The following RMDN2 variants were observed in gnomAD, a reference collection of about 807,000 sequenced individuals.
RMDN2 encodes the protein regulator of microtubule dynamics 2, also known as regulator of microtubule dynamics protein 2.
RMDN2 carries 61 observed loss-of-function variants against 52.8 expected under a neutral mutation model. The ratio of observed to expected loss-of-function variants is 1.16; its 90% CI spans 0.94 to 1.43. The LOEUF (loss-of-function observed/expected upper bound fraction) is 1.43, where lower values mean the gene tolerates loss of function less well. RMDN2 is among the 40% of genes most tolerant of loss of function. The pLI, the probability that RMDN2 is intolerant of heterozygous loss-of-function variation, is 0.00. For missense variants in RMDN2, 592 were observed against 475.3 expected (o/e 1.25, Z -2.28); for synonymous variants, 180 against 153.1 (o/e 1.18, Z -1.30).
chr2:38,064,993 A>G (rs138510490), intron 10 of RMDN2, among the ~76,000 whole-genome samples: 2 of 152,174 alleles, frequency 1.3e-5, no homozygotes, highest in African/African-American at 4.8e-5. Flanking sequence ...AATCATGCGT[A>G]TGGCATGCAT....
At chr2:37,998,862 G>T (rs984430951) in intron 8 of RMDN2, among the ~76,000 whole-genome samples, 4 of 152,072 alleles carry the variant, frequency 2.6e-5, no homozygotes, top group African/African-American at 7.2e-5. Flanking sequence ...GACAATCAAA[G>T]ATTTGATTTA....
Position 37,945,251 on chromosome 2 carries a change from G to C in RMDN2, c.452+15522G>C, listed in dbSNP as rs76113511. 3.3e-3 allele frequency among the ~76,000 whole-genome samples: 508 copies of C among 152,274 alleles called. 4 individuals are homozygous for C. In the East Asian group the frequency reaches 0.036, roughly 11 times the overall value. ...TAATAACCAATAGATTCTTAAGAAA[G>C]ACAGGAAGAACACATTTGCAGATTC... On this transcript the variant is annotated intron_variant, in intron 2 of 10. Transcript: ENST00000354545.
chr2:37,927,842 A>T lies in RMDN2; in HGVS notation c.-16-1420A>T, dbSNP rs1329398975. The stretch of plus-strand genomic sequence containing the variant: ...GTAGAATACATTTACACATCTAGCA[A>T]TAATTAGCTACAATTTCAGCTGAAG... On this transcript the variant is annotated intron_variant, in intron 1 of 10. Transcript: ENST00000354545. 4.6e-5 allele frequency among the ~76,000 whole-genome samples: 7 copies of T among 152,216 alleles called. No individual in the cohort carries two copies. The South Asian group carries it at 1.4e-3, about 32-fold the overall frequency.
chr2:38,004,889 G>A (rs1336786345), intron 10 of RMDN2, among the ~76,000 whole-genome samples: 5 of 149,150 alleles, frequency 3.4e-5, no homozygotes, highest in Middle Eastern at 3.4e-3. Context: ...TGATGTTCCC[G>A]TTCCTGCGTC....
chr2:37,939,873 C>T (rs1250422187), intron 2 of RMDN2, among the ~76,000 whole-genome samples: 2 of 152,068 alleles, frequency 1.3e-5, no homozygotes, highest in Non-Finnish European at 2.9e-5. Flanking sequence ...GGCATTTAGC[C>T]CATTTACATT....
At chr2:37,989,187 A>G (rs1391726868) in intron 5 of RMDN2, among the ~76,000 whole-genome samples, 2 of 152,148 alleles carry the variant, frequency 1.3e-5, no homozygotes, top group Non-Finnish European at 2.9e-5. Context: ...ATGTGATTAG[A>G]CTTTTTCTGA....
chr2:37,924,351 C>G (rs1312000438), upstream of RMDN2, among the ~76,000 whole-genome samples: 1 of 152,190 alleles, frequency 6.6e-6, no homozygotes, highest in Admixed American at 6.5e-5. Flanking sequence ...AAGGTGCGGA[C>G]AATACAGAAG....
chr2:38,012,020 A>C (rs778600419), intron 10 of RMDN2, among the ~76,000 whole-genome samples: 1 of 152,154 alleles, frequency 6.6e-6, no homozygotes, highest in Non-Finnish European at 1.5e-5. Context: ...TGCTGCTGGG[A>C]TGAGGGTCAG....
chr2:37,949,298 G>A (rs574042057), intron 2 of RMDN2, among the ~76,000 whole-genome samples: 29 of 152,106 alleles, frequency 1.9e-4, no homozygotes, highest in Non-Finnish European at 3.8e-4. Context: ...TTCCCTTCAG[G>A]ACCAAGAGCA....
At chr2:37,978,615 C>G (rs546606465) in intron 4 of RMDN2, among the ~76,000 whole-genome samples, 1 of 152,098 alleles carries the variant, frequency 6.6e-6, no homozygotes, top group Non-Finnish European at 1.5e-5. Context: ...AGCTTGAGCT[C>G]AGAAGCCCGA....
At chr2:37,927,060 T>C (rs374671925) in intron 1 of RMDN2, among the ~76,000 whole-genome samples, 130 of 152,380 alleles carry the variant, frequency 8.5e-4, no homozygotes, top group African/African-American at 2.7e-3. Context: ...TTGAAGCACA[T>C]TTGTTTTATG....
intron 2 of RMDN2, among the ~76,000 whole-genome samples, chr2:37,960,736 T>A (rs1195266780): frequency 6.6e-6 from 1 of 152,242 alleles, no homozygotes; most frequent in Non-Finnish European, 1.5e-5. Flanking sequence ...GTCATCATGA[T>A]TCCAGCTGGT....
chr2:37,951,327 C>T (rs751330658), intron 2 of RMDN2: 1 of 1,613,030 alleles, frequency 6.2e-7, no homozygotes, highest in Admixed American at 1.7e-5. Context: ...TATTTCACAA[C>T]CAAGTATATC....
At chr2:38,043,391 T>C (rs1681083015) in intron 10 of RMDN2, among the ~76,000 whole-genome samples, 1 of 152,160 alleles carries the variant, frequency 6.6e-6, no homozygotes, top group Non-Finnish European at 1.5e-5. Context: ...TTATATTTAG[T>C]GTAGGTTTCT....
At chr2:37,980,923 T>G (rs1013992701) in intron 4 of RMDN2, among the ~76,000 whole-genome samples, 5 of 152,202 alleles carry the variant, frequency 3.3e-5, no homozygotes, top group African/African-American at 1.2e-4. Context: ...GTATGGCACA[T>G]AGTAGGTACT....
At chr2:37,991,068 G>A in intron 6 of RMDN2, 152 bp from the exon 7 acceptor site, 1 of 402,366 alleles carries the variant, frequency 2.5e-6, no homozygotes, top group Non-Finnish European at 4.5e-6. Context: ...TGGTAATTTA[G>A]TTATTGATAA....
intron 6 of RMDN2, among the ~76,000 whole-genome samples, chr2:37,990,036 A>T (rs1022194144): frequency 2.0e-5 from 3 of 150,414 alleles, no homozygotes; most frequent in Non-Finnish European, 4.4e-5. Flanking sequence ...CCAGCTACTC[A>T]GGAGGCTGAG....
At chr2:37,939,494 T>G (rs1169876855) in intron 2 of RMDN2, among the ~76,000 whole-genome samples, 2 of 152,190 alleles carry the variant, frequency 1.3e-5, no homozygotes, top group African/African-American at 4.8e-5. Flanking sequence ...AGTGGGGTGT[T>G]AAATTCTCCC....
At chr2:38,040,974 A>G (rs1680911338) in intron 10 of RMDN2, among the ~76,000 whole-genome samples, 1 of 152,154 alleles carries the variant, frequency 6.6e-6, no homozygotes, top group South Asian at 2.1e-4. Context: ...TTTTTGTGCT[A>G]TTGGAAATGC....
Sources: gnomAD v4.1 joint callset for allele counts (sites outside exome capture counted in the v4.1 genomes callset) on GRCh38, gnomAD v4.1.1 for gene constraint, MANE v1.5 for transcripts, NCBI Gene and HGNC (gene_info 2026-07-23, HGNC 2026-07-21) for gene names.